Variants in MACROD1 observed in about 807,000 individuals in gnomAD.
MACROD1 encodes mono-ADP ribosylhydrolase 1.
In MACROD1, 31 loss-of-function variants were observed where a neutral mutation model predicts 41.4. The observed-to-expected ratio is 0.75, with a 90% CI of 0.56 to 1.01. The LOEUF (loss-of-function observed/expected upper bound fraction) is 1.01. MACROD1 is among the 50% of genes least tolerant of loss of function. The pLI, the probability that MACROD1 is intolerant of heterozygous loss-of-function variation, is 0.00. For missense variants in MACROD1, 473 were observed against 460.0 expected (o/e 1.03, Z -0.26); for synonymous variants, 252 against 203.4 (o/e 1.24, Z -2.03).
intron 3 of MACROD1, among the ~76,000 whole-genome samples, chr11:64,135,229 G>C (rs1438775407): frequency 2.0e-5 from 3 of 152,226 alleles, no homozygotes; most frequent in African/African-American, 7.2e-5. Flanking sequence ...TCCCAGGTCA[G>C]TCTAGCAGGG....
At chr11:64,131,189 G>A (rs1418940561) in intron 3 of MACROD1, among the ~76,000 whole-genome samples, 3 of 152,218 alleles carry the variant, frequency 2.0e-5, no homozygotes, top group African/African-American at 7.2e-5. Flanking sequence ...GGAAATGGGG[G>A]CCAGCTGCCT....
intron 3 of MACROD1, among the ~76,000 whole-genome samples, chr11:64,043,699 T>C (rs1461589446): frequency 6.6e-6 from 1 of 152,164 alleles, no homozygotes; most frequent in African/African-American, 2.4e-5. Flanking sequence ...TGCTAAGGAC[T>C]CTACCTTGCA....
At chr11:64,012,613 C>G (rs1943030908) in intron 4 of MACROD1, among the ~76,000 whole-genome samples, 1 of 152,126 alleles carries the variant, frequency 6.6e-6, no homozygotes, top group South Asian at 2.1e-4. Context: ...GTTGGCTAGG[C>G]TTGTCTTGAA....
intron 4 of MACROD1, among the ~76,000 whole-genome samples, chr11:64,011,359 TG>T (rs1007221582): frequency 1.8e-4 from 27 of 151,548 alleles, no homozygotes; most frequent in Non-Finnish European, 3.7e-4. Flanking sequence ...GGATGCTGAT[TG>T]GGGTGTTGGC....
intron 3 of MACROD1, among the ~76,000 whole-genome samples, chr11:64,074,821 T>C (rs771649089): frequency 3.3e-5 from 5 of 152,098 alleles, no homozygotes; most frequent in Non-Finnish European, 7.4e-5. Flanking sequence ...GGGCTTGGGG[T>C]GGGGAAGCCT....
chr11:64,062,865 C>T (rs1033899783), intron 3 of MACROD1, among the ~76,000 whole-genome samples: 5 of 152,306 alleles, frequency 3.3e-5, no homozygotes, highest in East Asian at 1.9e-4. Context: ...ACCCCGGCCC[C>T]GCCTCCTAGG....
chr11:64,157,403 G>A (rs1945686235), intron 1 of MACROD1, among the ~76,000 whole-genome samples: 1 of 152,092 alleles, frequency 6.6e-6, no homozygotes, highest in Non-Finnish European at 1.5e-5. Context: ...CTTGCCCCAT[G>A]AATTTCTAAC....
chr11:64,117,106 A>G (rs371858243), intron 3 of MACROD1: 32 of 1,607,328 alleles, frequency 2.0e-5, no homozygotes, highest in Non-Finnish European at 2.5e-5. Flanking sequence ...CTGCAGGACA[A>G]TGCCATCAGC....
chr11:64,083,443 T>C (rs1474951965), intron 3 of MACROD1, among the ~76,000 whole-genome samples: 2 of 152,174 alleles, frequency 1.3e-5, no homozygotes, highest in African/African-American at 4.8e-5. Flanking sequence ...AGTGAGACTC[T>C]GTCCCCCAAA....
chr11:64,101,390 C>T (rs759278665), intron 3 of MACROD1, among the ~76,000 whole-genome samples: 1 of 152,130 alleles, frequency 6.6e-6, no homozygotes, highest in Non-Finnish European at 1.5e-5. Flanking sequence ...AACCTGCCTC[C>T]TTTTTGGGTT....
At chr11:64,087,901 C>A (rs954901292) in intron 3 of MACROD1, among the ~76,000 whole-genome samples, 1 of 152,182 alleles carries the variant, frequency 6.6e-6, no homozygotes, top group African/African-American at 2.4e-5. Context: ...CTTCTTTCTG[C>A]GACAGGGGAG....
At chr11:64,050,052 G>A (rs979603176) in intron 3 of MACROD1, among the ~76,000 whole-genome samples, 14 of 152,280 alleles carry the variant, frequency 9.2e-5, no homozygotes, top group Middle Eastern at 3.4e-3. Flanking sequence ...GTGATGATGA[G>A]GGTGATGGCC....
chr11:64,098,137 A>C (rs1178693079), intron 3 of MACROD1, among the ~76,000 whole-genome samples: 2 of 152,148 alleles, frequency 1.3e-5, no homozygotes, highest in Non-Finnish European at 2.9e-5. Context: ...TCCATGCAGC[A>C]GCGAGAACAC....
At chr11:64,061,772 TCA>T (rs1943908241) in intron 3 of MACROD1, among the ~76,000 whole-genome samples, 1 of 150,650 alleles carries the variant, frequency 6.6e-6, no homozygotes, top group Admixed American at 6.6e-5. Context: ...CGATCACAGC[TCA>T]CTGCAGCCTC....
At chr11:64,153,277 C>G (rs1006056222) in intron 1 of MACROD1, among the ~76,000 whole-genome samples, 1 of 152,222 alleles carries the variant, frequency 6.6e-6, no homozygotes, top group Non-Finnish European at 1.5e-5. Flanking sequence ...CACACCCAGG[C>G]GCTCAGCCCA....
At chr11:64,021,932 C>CGG (rs1943158671) in intron 3 of MACROD1, among the ~76,000 whole-genome samples, 1 of 5,070 alleles carries the variant, frequency 2.0e-4, no homozygotes, top group African/African-American at 5.7e-4. Flanking sequence ...TGGCAGGGGG[C>CGG]CGGGGGGGGG....
At chr11:64,115,457 C>T (rs775172954) in intron 3 of MACROD1, among the ~76,000 whole-genome samples, 9 of 151,912 alleles carry the variant, frequency 5.9e-5, no homozygotes, top group Non-Finnish European at 7.4e-5. Flanking sequence ...CCACACAACT[C>T]GGAACCCAGG....
intron 3 of MACROD1, among the ~76,000 whole-genome samples, chr11:64,136,116 G>C (rs1365641783): frequency 6.6e-6 from 1 of 152,234 alleles, no homozygotes; most frequent in East Asian, 1.9e-4. Context: ...CTCGATGGCA[G>C]AGTGGGAGTG....
chr11:64,063,557 G>C (rs1454161954), intron 3 of MACROD1, among the ~76,000 whole-genome samples: 2 of 152,218 alleles, frequency 1.3e-5, no homozygotes, highest in Admixed American at 6.5e-5. Flanking sequence ...CCAGCAGCCA[G>C]CAACCTTCAA....
Sources: allele counts gnomAD v4.1 joint callset (sites outside exome capture counted in the v4.1 genomes callset), GRCh38; gene constraint gnomAD v4.1.1; transcripts MANE v1.5; gene names NCBI Gene and HGNC (gene_info 2026-07-23, HGNC 2026-07-21).